Variants in EXOC1 observed in about 807,000 individuals in gnomAD.
EXOC1 encodes the protein exocyst complex component 1, also known as SEC3-like 1.
In EXOC1, 67 loss-of-function variants were observed where a neutral mutation model predicts 107.7. The observed-to-expected ratio is 0.62, with a 90% CI of 0.51 to 0.76. The LOEUF (loss-of-function observed/expected upper bound fraction) is 0.76. Among genes scored for constraint, EXOC1 ranks in the 30% least tolerant of loss-of-function variants. The pLI, the probability that EXOC1 is intolerant of heterozygous loss-of-function variation, is 0.00. For missense variants in EXOC1, 833 were observed against 1,055.7 expected (o/e 0.79, Z 2.92); for synonymous variants, 348 against 353.5 (o/e 0.98, Z 0.17).
At chr4:55,902,609 T>A in intron 18 of EXOC1, 71 bp downstream of exon 18, 1 of 1,244,876 alleles carries the variant, frequency 8.0e-7, no homozygotes, top group Non-Finnish European at 1.1e-6. Flanking sequence ...AATAATTTTC[T>A]AGAAATGCTA....
At chr4:55,856,582 C>A (rs1330210830) in intron 1 of EXOC1, among the ~76,000 whole-genome samples, 2 of 152,052 alleles carry the variant, frequency 1.3e-5, no homozygotes, top group African/African-American at 2.4e-5. Flanking sequence ...ATTTAAAAAT[C>A]ATGATTTCTT....
chr4:55,875,521 G>C (rs1002984254), intron 8 of EXOC1: 1 of 975,920 alleles, frequency 1.0e-6, no homozygotes, highest in Non-Finnish European at 1.2e-6. Context: ...AAACTTCCTG[G>C]GTTCAAAATC....
At chr4:55,854,277 A>G (rs760482736) in intron 1 of EXOC1, among the ~76,000 whole-genome samples, 2 of 147,814 alleles carry the variant, frequency 1.4e-5, no homozygotes, top group Non-Finnish European at 3.0e-5. Flanking sequence ...ATGCATTAAT[A>G]TATCTCAGCA....
At chr4:55,856,970 A>G (rs1721029725) in intron 1 of EXOC1, among the ~76,000 whole-genome samples, 1 of 151,890 alleles carries the variant, frequency 6.6e-6, no homozygotes, top group South Asian at 2.1e-4. Flanking sequence ...TTAACAGTCA[A>G]TCCTCGTTTC....
At chr4:55,881,512 C>T (rs1395508727) in intron 9 of EXOC1, among the ~76,000 whole-genome samples, 1 of 152,094 alleles carries the variant, frequency 6.6e-6, no homozygotes, top group African/African-American at 2.4e-5. Flanking sequence ...GACATGTGCC[C>T]AAGGTGGTCC....
At chr4:55,899,612 A>G in intron 16 of EXOC1, 73 bp from the exon 17 acceptor site, 5 of 1,312,262 alleles carry the variant, frequency 3.8e-6, no homozygotes, top group Non-Finnish European at 5.3e-6. Flanking sequence ...AAAAAAATTA[A>G]TAGTATAAAT....
chr4:55,896,424 A>G (rs1577776679), intron 15 of EXOC1, among the ~76,000 whole-genome samples: 1 of 152,176 alleles, frequency 6.6e-6, no homozygotes, highest in East Asian at 1.9e-4. Context: ...GATTACAGGC[A>G]TGAGCCACCG....
intron 3 of EXOC1, among the ~76,000 whole-genome samples, chr4:55,860,958 C>CAAAAAAAAA (rs749255857): frequency 1.4e-5 from 1 of 72,898 alleles, no homozygotes. Context: ...GTTTGTGGAT[C>CAAAAAAAAA]AAAAAAAAAA....
chr4:55,884,000 C>T (rs770740932), intron 10 of EXOC1, 72 bp downstream of exon 10: 5 of 1,109,420 alleles, frequency 4.5e-6, no homozygotes, highest in Middle Eastern at 4.0e-4. Context: ...AATTCTAAGA[C>T]TTCTTAAGCA....
chr4:55,876,330 C>T (rs541328365), intron 8 of EXOC1: 1 of 982,874 alleles, frequency 1.0e-6, no homozygotes, highest in Admixed American at 6.1e-5. Context: ...CTCCGTTATC[C>T]AGAATTCTGG....
At chr4:55,886,579 A>C (rs888058425) in intron 10 of EXOC1, among the ~76,000 whole-genome samples, 4 of 151,724 alleles carry the variant, frequency 2.6e-5, no homozygotes, top group Admixed American at 6.6e-5. Flanking sequence ...AAAAAACAAA[A>C]AAAAAAAAAA....
At chr4:55,870,134 TGTTACTA>T (rs1310749074) in intron 5 of EXOC1, among the ~76,000 whole-genome samples, 7 of 152,232 alleles carry the variant, frequency 4.6e-5, no homozygotes, top group African/African-American at 1.7e-4. Context: ...TTCTACATCC[TGTTACTA>T]GTTCCCATCA....
At chr4:55,855,892 A>G (rs1233804034) in intron 1 of EXOC1, among the ~76,000 whole-genome samples, 1 of 152,198 alleles carries the variant, frequency 6.6e-6, no homozygotes, top group Non-Finnish European at 1.5e-5. Context: ...AATAAGCCAA[A>G]AGGAGGAGAG....
At chr4:55,898,670 A>G (rs1330160150) in intron 16 of EXOC1, among the ~76,000 whole-genome samples, 1 of 152,146 alleles carries the variant, frequency 6.6e-6, no homozygotes, top group African/African-American at 2.4e-5. Flanking sequence ...ATATGGGCAT[A>G]TTGTATGTGT....
chr4:55,879,636 C>A (rs1387036030), intron 9 of EXOC1, among the ~76,000 whole-genome samples: 1 of 152,216 alleles, frequency 6.6e-6, no homozygotes, highest in East Asian at 1.9e-4. Context: ...AGGGACAGTC[C>A]TTTTCTGGCA....
At chr4:55,871,373 C>T in intron 7 of EXOC1, 140 bp downstream of exon 7, 1 of 1,117,188 alleles carries the variant, frequency 9.0e-7, no homozygotes, top group Non-Finnish European at 1.2e-6. Flanking sequence ...TCACTGATTT[C>T]CCAACTTATT....
chr4:55,881,511 C>T (rs1377324096), intron 9 of EXOC1, among the ~76,000 whole-genome samples: 1 of 152,018 alleles, frequency 6.6e-6, no homozygotes, highest in Non-Finnish European at 1.5e-5. Context: ...CGACATGTGC[C>T]CAAGGTGGTC....
chr4:55,862,387 T>G (rs1466893124), intron 3 of EXOC1, among the ~76,000 whole-genome samples: 1 of 152,152 alleles, frequency 6.6e-6, no homozygotes, highest in Non-Finnish European at 1.5e-5. Context: ...AACATAAAAT[T>G]TTTATACATA....
At position 55,899,829 on chromosome 4, in the gene EXOC1, A is replaced by T; in HGVS notation, c.2282A>T (p.Asp761Val). The change falls in exon 17 of 19, where the codon GAT becomes GTT. Residue 761 changes from aspartate to valine, a missense_variant. By Grantham distance (152) the Asp-to-Val change is radical. Coordinates refer to ENST00000381295, the MANE Select transcript of EXOC1 (RefSeq NM_001024924.2). The stretch of plus-strand genomic sequence containing the variant: ...AAAGAAGCCAAACAAAAATACACAG[A>T]TCACCTTCAGTCTTATGTCATTTAC... The part of the protein sequence containing the change: ...EKKEAKQKYT[D>V]HLQSYVIYSL... 6.2e-7 allele frequency: 1 copy of T among 1,613,166 alleles called. No individual in the cohort carries two copies. Among genetic ancestry groups the T allele is most frequent in the Non-Finnish European group, 8.5e-7 (1 of 1,179,674 alleles).
Sources: gnomAD v4.1 joint callset for allele counts (sites outside exome capture counted in the v4.1 genomes callset) on GRCh38, gnomAD v4.1.1 for gene constraint, MANE v1.5 for transcripts, NCBI Gene and HGNC (gene_info 2026-07-23, HGNC 2026-07-21) for gene names.